CNTNAP5: variants seen among roughly 807,000 people sequenced by gnomAD.
The protein encoded by CNTNAP5 is contactin-associated protein-like 5.
CNTNAP5 carries 72 observed loss-of-function variants against 150.2 expected under a neutral mutation model. That is an observed-to-expected ratio of 0.48 (90% CI 0.40 to 0.58). CNTNAP5 has a LOEUF of 0.58. Ranked by LOEUF, CNTNAP5 falls within the 20% of genes least tolerant of loss-of-function variation. The pLI, the probability that CNTNAP5 is intolerant of heterozygous loss-of-function variation, is 0.00. For synonymous variants in CNTNAP5, 672 were observed against 619.8 expected (o/e 1.08, Z -1.25); for missense variants, 1,636 against 1,626.2 (o/e 1.01, Z -0.10).
At chr2:124,715,351 A>G (rs1343389923) in intron 13 of CNTNAP5, among the ~76,000 whole-genome samples, 1 of 152,178 alleles carries the variant, frequency 6.6e-6, no homozygotes, top group East Asian at 1.9e-4. Context: ...TGAACACCAT[A>G]TATTTATGCC....
At chr2:124,070,394 G>C (rs1682273267) in intron 1 of CNTNAP5, among the ~76,000 whole-genome samples, 1 of 107,930 alleles carries the variant, frequency 9.3e-6, no homozygotes, top group Admixed American at 1.0e-4. Context: ...TGGCTGAATG[G>C]GGAAAAAAAA....
At chr2:124,171,405 C>T (rs1404050158) in intron 1 of CNTNAP5, among the ~76,000 whole-genome samples, 1 of 152,160 alleles carries the variant, frequency 6.6e-6, no homozygotes, top group African/African-American at 2.4e-5. Context: ...CACAAACCCT[C>T]AGCACGTTGC....
chr2:124,903,528 CAAAT>C (rs933694353), intron 22 of CNTNAP5, among the ~76,000 whole-genome samples: 39 of 152,060 alleles, frequency 2.6e-4, no homozygotes, highest in African/African-American at 9.2e-4. Context: ...AAATAATTGA[CAAAT>C]AAAAATTATA....
intron 1 of CNTNAP5, among the ~76,000 whole-genome samples, chr2:124,056,419 T>C (rs1441862027): frequency 6.6e-6 from 1 of 151,902 alleles, no homozygotes; most frequent in African/African-American, 2.4e-5. Context: ...GGTCAGGAGA[T>C]CCAGAACATC....
intron 13 of CNTNAP5, among the ~76,000 whole-genome samples, chr2:124,718,788 A>G (rs1287250494): frequency 6.6e-6 from 1 of 152,010 alleles, no homozygotes. Context: ...CTAAAAAAAC[A>G]CAAAAAATTA....
chr2:124,247,446 G>A (rs186149485), intron 3 of CNTNAP5, among the ~76,000 whole-genome samples: 6 of 152,230 alleles, frequency 3.9e-5, no homozygotes, highest in Admixed American at 6.5e-5. Context: ...TCACATGCAC[G>A]AAGCTTGTCA....
chr2:124,275,527 C>T (rs1687863722), intron 3 of CNTNAP5, among the ~76,000 whole-genome samples: 1 of 152,064 alleles, frequency 6.6e-6, no homozygotes. Context: ...TGACACATTA[C>T]CTCATTATCT....
intron 13 of CNTNAP5, among the ~76,000 whole-genome samples, chr2:124,651,654 G>A (rs1678325119): frequency 6.6e-6 from 1 of 152,160 alleles, no homozygotes; most frequent in South Asian, 2.1e-4. Flanking sequence ...GCGGCCAAGA[G>A]CCAAGAGTTA....
intron 3 of CNTNAP5, among the ~76,000 whole-genome samples, chr2:124,320,635 A>C (rs1320949037): frequency 6.6e-6 from 1 of 152,224 alleles, no homozygotes; most frequent in Non-Finnish European, 1.5e-5. Context: ...AAAGAAGGAA[A>C]AAAGCATAAA....
chr2:124,642,020 T>G (rs1678104077), intron 12 of CNTNAP5, among the ~76,000 whole-genome samples: 2 of 152,122 alleles, frequency 1.3e-5, no homozygotes, highest in Non-Finnish European at 2.9e-5. Flanking sequence ...ATCAGACCAA[T>G]CTGATATGAT....
intron 23 of CNTNAP5, among the ~76,000 whole-genome samples, chr2:124,912,637 T>A (rs1406774404): frequency 6.6e-6 from 1 of 152,086 alleles, no homozygotes; most frequent in African/African-American, 2.4e-5. Flanking sequence ...CATAGAGAAA[T>A]GTGGGAAAGA....
At chr2:124,217,422 G>T (rs1444819068) in intron 1 of CNTNAP5, among the ~76,000 whole-genome samples, 1 of 152,154 alleles carries the variant, frequency 6.6e-6, no homozygotes, top group Admixed American at 6.6e-5. Context: ...GCACAGGTTT[G>T]CTTATTGAAG....
At chr2:124,396,138 A>C (rs1381732381) in intron 3 of CNTNAP5, among the ~76,000 whole-genome samples, 2 of 152,224 alleles carry the variant, frequency 1.3e-5, no homozygotes, top group East Asian at 1.9e-4. Flanking sequence ...AGACCTTGCA[A>C]GTCAAGCTAA....
At chr2:124,384,999 G>A (rs1216992223) in intron 3 of CNTNAP5, among the ~76,000 whole-genome samples, 1 of 152,190 alleles carries the variant, frequency 6.6e-6, no homozygotes, top group African/African-American at 2.4e-5. Context: ...ACTGGCTTGT[G>A]TATTCCCACA....
In CNTNAP5 at chr2:124,423,652, C is replaced by CTTTTTTTT. The variant is rs1187961580; in HGVS notation, c.529+6085_529+6092dup. On this transcript the variant is annotated intron_variant, in intron 4 of 23. Transcript: ENST00000682447. ...TGAGCCACTGCGCCCGGCTAATTAA[C>CTTTTTTTT]TTTTTTTTTTTTTTTTTTTTTTTTT... Among the ~76,000 whole-genome samples the CTTTTTTTT allele has an allele frequency of 4.2e-3, 175 of 41,594 alleles. 48 individuals are homozygous for CTTTTTTTT. The highest frequency in any genetic ancestry group is 9.7e-3 in the South Asian group (5 of 518). The allele number at this position is 41,594 out of a possible 152,430, so 27.3% of individuals were successfully genotyped here. A position where few individuals can be genotyped will look rare whatever the true frequency, so the allele number is the denominator to read the frequency against.
chr2:124,474,716 TG>T, intron 6 of CNTNAP5, 22 bp from the exon 7 acceptor site: 2 of 1,525,372 alleles, frequency 1.3e-6, no homozygotes, highest in Non-Finnish European at 1.8e-6. Context: ...ACTAAGAGTT[TG>T]TTTCTATTTT....
At chr2:124,631,696 T>G (rs573456147) in intron 12 of CNTNAP5, among the ~76,000 whole-genome samples, 1 of 152,156 alleles carries the variant, frequency 6.6e-6, no homozygotes, top group African/African-American at 2.4e-5. Flanking sequence ...CAAAAGCAAT[T>G]ACAACAAAAC....
intron 21 of CNTNAP5, among the ~76,000 whole-genome samples, chr2:124,898,649 G>A (rs1420229545): frequency 6.6e-6 from 1 of 151,580 alleles, no homozygotes; most frequent in Non-Finnish European, 1.5e-5. Flanking sequence ...TTCAAAATTT[G>A]AGTGCTACAT....
intron 10 of CNTNAP5, among the ~76,000 whole-genome samples, chr2:124,553,784 C>A (rs1695687082): frequency 6.6e-6 from 1 of 152,078 alleles, no homozygotes; most frequent in African/African-American, 2.4e-5. Flanking sequence ...AAGAGACAGA[C>A]AGAGGAAGGG....
Sources: allele counts gnomAD v4.1 joint callset (sites outside exome capture counted in the v4.1 genomes callset), GRCh38; gene constraint gnomAD v4.1.1; transcripts MANE v1.5; gene names NCBI Gene and HGNC (gene_info 2026-07-23, HGNC 2026-07-21).